DGKB: variants seen among roughly 807,000 people sequenced by gnomAD.
The protein encoded by DGKB is diacylglycerol kinase beta, also known as 90 kDa diacylglycerol kinase.
DGKB carries 67 observed loss-of-function variants against 114.3 expected under a neutral mutation model. That is an observed-to-expected ratio of 0.59 (90% confidence interval 0.48 to 0.72). The LOEUF (loss-of-function observed/expected upper bound fraction) is 0.72, where lower values mean the gene tolerates loss of function less well. Among genes scored for constraint, DGKB ranks in the 30% least tolerant of loss-of-function variants. The pLI is 0.00. For synonymous variants in DGKB, 398 were observed against 323.1 expected (o/e 1.23, Z -2.49); for missense variants, 907 against 975.2 (o/e 0.93, Z 0.93).
At chr7:14,542,710 A>G (rs1285206666) in intron 20 of DGKB, among the ~76,000 whole-genome samples, 4 of 152,170 alleles carry the variant, frequency 2.6e-5, no homozygotes, top group Non-Finnish European at 5.9e-5. Flanking sequence ...TAAGGGTTTC[A>G]AGAAGGAATA....
chr7:14,171,911 A>T (rs1286519505), intron 25 of DGKB, among the ~76,000 whole-genome samples: 1 of 152,198 alleles, frequency 6.6e-6, no homozygotes, highest in Non-Finnish European at 1.5e-5. Context: ...ATGGTCCATG[A>T]CCTCAGTAAG....
chr7:14,903,873 G>A (rs1377179384), upstream of DGKB, among the ~76,000 whole-genome samples: 1 of 152,222 alleles, frequency 6.6e-6, no homozygotes, highest in Admixed American at 6.5e-5. Flanking sequence ...CTTATACACG[G>A]GGTATCTTGA....
At chr7:14,875,141 T>C (rs1853080353) in intron 1 of DGKB, among the ~76,000 whole-genome samples, 1 of 151,974 alleles carries the variant, frequency 6.6e-6, no homozygotes, top group Non-Finnish European at 1.5e-5. Flanking sequence ...AAAATAATAA[T>C]AATAATAACA....
intron 23 of DGKB, among the ~76,000 whole-genome samples, chr7:14,244,017 G>A (rs1794045587): frequency 6.7e-6 from 1 of 150,188 alleles, no homozygotes; most frequent in African/African-American, 2.4e-5. Context: ...AGTGTTATGA[G>A]AGATTCTGAG....
chr7:14,911,800 T>C (rs184572218), intron 1 of DGKB, among the ~76,000 whole-genome samples: 14 of 152,164 alleles, frequency 9.2e-5, no homozygotes, highest in Non-Finnish European at 1.9e-4. Context: ...AGACCAAAGA[T>C]GTGAAAATAA....
At chr7:14,531,430 A>G (rs2128593727) in intron 20 of DGKB, among the ~76,000 whole-genome samples, 1 of 151,552 alleles carries the variant, frequency 6.6e-6, no homozygotes, top group South Asian at 2.1e-4. Flanking sequence ...ATCATACAGT[A>G]AAGTCAAAAA....
At chr7:14,781,135 T>G (rs539899245) in intron 2 of DGKB, among the ~76,000 whole-genome samples, 2 of 152,330 alleles carry the variant, frequency 1.3e-5, no homozygotes, top group Admixed American at 1.3e-4. Context: ...AAAAGCCTGG[T>G]TCTATCAAAA....
intron 20 of DGKB, among the ~76,000 whole-genome samples, chr7:14,523,763 A>G (rs192991967): frequency 6.6e-6 from 1 of 152,320 alleles, no homozygotes; most frequent in African/African-American, 2.4e-5. Flanking sequence ...CATGGGGAAC[A>G]TTGTGTGTTG....
chr7:14,794,204 G>A (rs917053318), intron 2 of DGKB, among the ~76,000 whole-genome samples: 1 of 152,120 alleles, frequency 6.6e-6, no homozygotes, highest in Admixed American at 6.6e-5. Flanking sequence ...AGTGGTTCTA[G>A]AGGAACGTAA....
intron 25 of DGKB, among the ~76,000 whole-genome samples, chr7:14,170,045 A>T (rs1405201169): frequency 6.6e-6 from 1 of 151,424 alleles, no homozygotes; most frequent in Non-Finnish European, 1.5e-5. Context: ...GAGGCAGGAG[A>T]ATCGCTTGAA....
At chr7:14,707,270 G>T (rs1323448211) in intron 6 of DGKB, among the ~76,000 whole-genome samples, 1,513 of 148,710 alleles carry the variant, frequency 0.01, 31 homozygotes, top group African/African-American at 0.036. Context: ...AAACCAGGAA[G>T]AAGTTGAATC....
intron 20 of DGKB, among the ~76,000 whole-genome samples, chr7:14,486,068 T>A (rs73679795): frequency 0.1 from 15,880 of 152,060 alleles, 1,188 homozygotes; most frequent in East Asian, 0.45. Flanking sequence ...TTCTTTTTTT[T>A]AAAAAATAAT....
chr7:14,202,448 T>C (rs1786047999), intron 23 of DGKB, among the ~76,000 whole-genome samples: 2 of 152,016 alleles, frequency 1.3e-5, no homozygotes, highest in Non-Finnish European at 2.9e-5. Flanking sequence ...TGTTGTTACT[T>C]AGCCACACTG....
At chr7:14,901,388 T>C (rs1444333645) in intron 1 of DGKB, among the ~76,000 whole-genome samples, 2 of 152,178 alleles carry the variant, frequency 1.3e-5, no homozygotes, top group Admixed American at 6.5e-5. Flanking sequence ...TTTTTCACAA[T>C]TGTTATTTCA....
At chr7:14,659,839 T>C (rs1816665250) in intron 13 of DGKB, among the ~76,000 whole-genome samples, 1 of 151,936 alleles carries the variant, frequency 6.6e-6, no homozygotes, top group African/African-American at 2.4e-5. Context: ...TTCCAGTTTT[T>C]GCCCATTCAG....
chr7:14,705,745 C>T (rs963491829), intron 6 of DGKB, among the ~76,000 whole-genome samples: 2 of 151,452 alleles, frequency 1.3e-5, no homozygotes, highest in African/African-American at 4.9e-5. Context: ...AAATAAAATA[C>T]TTTACAGACA....
rs1814542088 is a variant in DGKB, at chr7:14,356,456, G to T, written c.1836-11065C>A. On this transcript the variant is annotated intron_variant, in intron 21 of 25. Transcript: ENST00000402815. ...GGCTCACTGCAAGCTCCGCCTTCCG[G>T]GTTTATGCCATTCTCTTGCCTCAGC... Among the ~76,000 whole-genome samples, 2 of 150,028 alleles carry T rather than the reference G, an allele frequency of 1.3e-5. 1 individual carries two copies. Among genetic ancestry groups the T allele is most frequent in the South Asian group, 4.2e-4 (2 of 4,712 alleles).
intron 21 of DGKB, among the ~76,000 whole-genome samples, chr7:14,465,416 A>G (rs4721335): frequency 0.37 from 55,984 of 151,608 alleles, 10,656 homozygotes; most frequent in Admixed American, 0.47. Context: ...AGCTTGGAAG[A>G]GAGTCAGAAT....
At chr7:14,424,894 C>G (rs1197843588) in intron 21 of DGKB, among the ~76,000 whole-genome samples, 1 of 152,084 alleles carries the variant, frequency 6.6e-6, no homozygotes, top group African/African-American at 2.4e-5. Context: ...AAGGTCATAT[C>G]CTTATTGCCA....
Sources: allele counts gnomAD v4.1 joint callset (sites outside exome capture counted in the v4.1 genomes callset), GRCh38; gene constraint gnomAD v4.1.1; transcripts MANE v1.5; gene names NCBI Gene and HGNC (gene_info 2026-07-23, HGNC 2026-07-21).